FNDC3B: variants seen among roughly 807,000 people sequenced by gnomAD.
FNDC3B encodes fibronectin type III domain containing 3B.
In FNDC3B, 12 loss-of-function variants were observed where a neutral mutation model predicts 151.5. The observed-to-expected ratio is 0.08, with a 90% CI of 0.05 to 0.13. FNDC3B has a LOEUF of 0.13. FNDC3B is among the 10% of genes least tolerant of loss of function. The pLI, the probability that FNDC3B is intolerant of heterozygous loss-of-function variation, is 1.00. For synonymous variants in FNDC3B, 528 were observed against 549.0 expected, an observed-to-expected ratio of 0.96 and a Z score of 0.54; for missense variants, 1,214 against 1,505.3, an observed-to-expected ratio of 0.81 and a Z score of 3.20.
At chr3:172,078,129 C>T (rs967620174) in intron 1 of FNDC3B, among the ~76,000 whole-genome samples, 5 of 152,066 alleles carry the variant, frequency 3.3e-5, no homozygotes, top group Admixed American at 2.0e-4. Flanking sequence ...TACAGGCCGC[C>T]GCCACCATGG....
chr3:172,165,863 A>G (rs574843511), intron 3 of FNDC3B, among the ~76,000 whole-genome samples: 13 of 152,328 alleles, frequency 8.5e-5, no homozygotes, highest in Admixed American at 3.9e-4. Context: ...TAATAATTAC[A>G]TTAGATTCAG....
intron 1 of FNDC3B, among the ~76,000 whole-genome samples, chr3:172,083,550 A>G (rs907291282): frequency 1.3e-5 from 2 of 152,248 alleles, no homozygotes; most frequent in Non-Finnish European, 2.9e-5. Flanking sequence ...TGAGAGACCT[A>G]TGGAGGGGTG....
chr3:172,136,949 TG>T (rs1414913743), intron 3 of FNDC3B, among the ~76,000 whole-genome samples: 21 of 152,182 alleles, frequency 1.4e-4, no homozygotes, highest in South Asian at 1.0e-3. Context: ...CTCGATCTCC[TG>T]ACCTCAGCCT....
chr3:172,358,954 T>TTGGTGGTGGTGGTGG (rs60325692), intron 22 of FNDC3B, among the ~76,000 whole-genome samples: 27 of 80,610 alleles, frequency 3.3e-4, no homozygotes, highest in East Asian at 1.5e-3. Context: ...CACAGTTTTC[T>TTGGTGGTGGTGGTGG]TGGTGGTGGT....
intron 3 of FNDC3B, among the ~76,000 whole-genome samples, chr3:172,168,252 C>T (rs1472179139): frequency 6.6e-6 from 1 of 152,224 alleles, no homozygotes; most frequent in Non-Finnish European, 1.5e-5. Context: ...ATGATTTGCT[C>T]CTGTAAGCCT....
At chr3:172,075,133 A>G (rs545032460) in intron 1 of FNDC3B, among the ~76,000 whole-genome samples, 98 of 152,200 alleles carry the variant, frequency 6.4e-4, no homozygotes, top group Non-Finnish European at 1.3e-3. Flanking sequence ...TATAAATAAT[A>G]TAGTCCTTAT....
chr3:172,172,524 G>A (rs927995021), intron 3 of FNDC3B, among the ~76,000 whole-genome samples: 8 of 152,156 alleles, frequency 5.3e-5, no homozygotes, highest in African/African-American at 1.9e-4. Context: ...TATGTTTCCT[G>A]GGGGAAGGAG....
chr3:172,351,920 A>G (rs1399513915), intron 21 of FNDC3B, among the ~76,000 whole-genome samples: 2 of 152,088 alleles, frequency 1.3e-5, no homozygotes, highest in African/African-American at 4.8e-5. Flanking sequence ...AAGTGGAGAT[A>G]CTCAGTGGTT....
At chr3:172,097,604 C>A (rs1235657995) in intron 1 of FNDC3B, among the ~76,000 whole-genome samples, 1 of 152,176 alleles carries the variant, frequency 6.6e-6, no homozygotes, top group Non-Finnish European at 1.5e-5. Flanking sequence ...AAGAAAAATA[C>A]AACTTATTCG....
chr3:172,305,249 C>G (rs900004792), intron 9 of FNDC3B, among the ~76,000 whole-genome samples: 2 of 152,178 alleles, frequency 1.3e-5, no homozygotes, highest in African/African-American at 4.8e-5. Flanking sequence ...GTTCCCATTT[C>G]CTCAGTTCTA....
At chr3:172,281,531 G>A (rs4894540) in intron 6 of FNDC3B, among the ~76,000 whole-genome samples, 3 of 152,056 alleles carry the variant, frequency 2.0e-5, no homozygotes, top group Admixed American at 1.3e-4. Context: ...GTTTACTTAC[G>A]TTGTGGCTGC....
chr3:172,236,923 A>G (rs947117594), intron 4 of FNDC3B, among the ~76,000 whole-genome samples: 2 of 152,226 alleles, frequency 1.3e-5, no homozygotes, highest in African/African-American at 2.4e-5. Context: ...GTCATTGGAC[A>G]GTAGCACCTG....
chr3:172,181,415 C>CAAAAAAAAAAAAAAAAA (rs1283436921), intron 3 of FNDC3B, among the ~76,000 whole-genome samples: 1 of 101,092 alleles, frequency 9.9e-6, no homozygotes, highest in African/African-American at 4.1e-5. Context: ...AAAAAAAAAA[C>CAAAAAAAAAAAAAAAAA]AAAAAAAAAC....
intron 1 of FNDC3B, among the ~76,000 whole-genome samples, chr3:172,046,316 A>G (rs931774942): frequency 6.6e-6 from 1 of 152,046 alleles, no homozygotes; most frequent in African/African-American, 2.4e-5. Flanking sequence ...CAGTTTAGAC[A>G]TTGGCTCCTA....
At chr3:172,206,091 C>T (rs1230045036) in intron 3 of FNDC3B, among the ~76,000 whole-genome samples, 1 of 152,166 alleles carries the variant, frequency 6.6e-6, no homozygotes. Flanking sequence ...AACATTTTTA[C>T]AACCGTAGGG....
At chr3:172,201,590 A>C (rs1156642700) in intron 3 of FNDC3B, among the ~76,000 whole-genome samples, 3 of 152,170 alleles carry the variant, frequency 2.0e-5, no homozygotes, top group Non-Finnish European at 4.4e-5. Flanking sequence ...TAAGCAAAGC[A>C]ATGGGAATCT....
At chr3:172,230,977 CAT>C (rs35926956) in intron 4 of FNDC3B, among the ~76,000 whole-genome samples, 25,319 of 152,152 alleles carry the variant, frequency 0.17, 2,692 homozygotes, top group Non-Finnish European at 0.23. Flanking sequence ...GAAATGAAAA[CAT>C]ATGACCACAC....
At position 172,352,282 on chromosome 3, in the gene FNDC3B, G is replaced by T. The variant is rs1392412510; in HGVS notation, c.2515-521G>T. 2.6e-5 allele frequency among the ~76,000 whole-genome samples: 4 copies of T among 152,158 alleles called. No homozygotes were observed. Among genetic ancestry groups the T allele is most frequent in the Non-Finnish European group, 5.9e-5 (4 of 68,026 alleles). Reference sequence around the variant, plus strand: ...TGGGTAAAATCAGATAAGCGCTGACGATTGACTTCAGGGATGAGTTTATTA... The same window carrying T: ...TGGGTAAAATCAGATAAGCGCTGACTATTGACTTCAGGGATGAGTTTATTA... On this transcript the variant is annotated intron_variant, in intron 21 of 25. Coordinates refer to ENST00000415807, the MANE Select transcript of FNDC3B (RefSeq NM_022763.4). This position sits in a 1 kb window ranked among gnomAD's most constrained non-coding sequence, Gnocchi z 4.2.
intron 9 of FNDC3B, among the ~76,000 whole-genome samples, chr3:172,305,457 T>C (rs560129145): frequency 9.8e-5 from 15 of 152,354 alleles, no homozygotes; most frequent in Admixed American, 8.5e-4. Context: ...GCTGACTGCA[T>C]CCGTGTTGTG....
Sources: gnomAD v4.1 joint callset for allele counts (sites outside exome capture counted in the v4.1 genomes callset) on GRCh38, gnomAD v4.1.1 for gene constraint, Gnocchi (gnomAD v3.1) non-coding constraint, MANE v1.5 for transcripts, NCBI Gene and HGNC (gene_info 2026-07-23, HGNC 2026-07-21) for gene names.